Variants in ENOX1 observed in about 807,000 individuals in gnomAD.
ENOX1 encodes the protein ecto-NOX disulfide-thiol exchanger 1, also known as candidate growth-related and time keeping constitutive hydroquinone (NADH) oxidase.
ENOX1 carries 42 observed loss-of-function variants against 82.5 expected under a neutral mutation model. That is an observed-to-expected ratio of 0.51 (90% confidence interval 0.40 to 0.66). The LOEUF is 0.66. Ranked by LOEUF, ENOX1 falls within the 30% of genes least tolerant of loss-of-function variation. The probability of loss-of-function intolerance (pLI) is 0.00; values close to 1 mark genes in which losing one functional copy is unlikely to be tolerated. For missense variants in ENOX1, 608 were observed against 811.6 expected (o/e 0.75, Z 3.05); for synonymous variants, 271 against 282.2 (o/e 0.96, Z 0.40).
chr13:43,690,258 T>TA (rs5803202), intron 1 of ENOX1, among the ~76,000 whole-genome samples: 10 of 139,460 alleles, frequency 7.2e-5, no homozygotes, highest in African/African-American at 2.1e-4. Context: ...ATAAATAAGT[T>TA]AAAAAAAAAA....
At chr13:43,490,645 C>T (rs1323875561) in intron 2 of ENOX1, among the ~76,000 whole-genome samples, 1 of 152,174 alleles carries the variant, frequency 6.6e-6, no homozygotes. Context: ...TGGATAATTG[C>T]TCTTCTGCCT....
intron 1 of ENOX1, among the ~76,000 whole-genome samples, chr13:43,733,306 A>G (rs2089443666): frequency 6.6e-6 from 1 of 152,238 alleles, no homozygotes; most frequent in South Asian, 2.1e-4. Context: ...TCTGTGCAAC[A>G]GAAGAGCGAA....
At chr13:43,491,282 C>T (rs756455955) in intron 2 of ENOX1, among the ~76,000 whole-genome samples, 5 of 152,126 alleles carry the variant, frequency 3.3e-5, no homozygotes, top group Non-Finnish European at 5.9e-5. Context: ...GGGATCCACC[C>T]GCATGATCCC....
chr13:43,409,913 G>A (rs943194482), intron 5 of ENOX1, among the ~76,000 whole-genome samples: 3 of 152,180 alleles, frequency 2.0e-5, no homozygotes, highest in African/African-American at 7.2e-5. Flanking sequence ...AAAGCAAAGT[G>A]CAGTTAAATT....
intron 3 of ENOX1, 143 bp from the exon 4 acceptor site, chr13:43,413,131 G>A (rs184507153): frequency 1.9e-5 from 16 of 832,798 alleles, no homozygotes; most frequent in Admixed American, 3.7e-5. Context: ...GCTTCCCATC[G>A]CTCAGCGGCT....
At position 43,359,818 on chromosome 13, in the gene ENOX1, T is replaced by C. The variant is rs536795801; in HGVS notation, c.589+33A>G. On this transcript the variant is annotated intron_variant, in intron 7 of 16. Coordinates refer to ENST00000690772, the MANE Select transcript of ENOX1 (RefSeq NM_001347969.2). The stretch of plus-strand genomic sequence containing the variant: ...ATTAACATCACAAAACATAACAAAA[T>C]GCCTAGAAAACTCCTTATGTAATGC... 3 of 1,583,944 alleles carry C rather than the reference T, an allele frequency of 1.9e-6. No homozygotes were observed. In the East Asian group the frequency reaches 6.7e-5, roughly 35 times the overall value.
At chr13:43,461,120 G>A (rs1048483531) in intron 3 of ENOX1, among the ~76,000 whole-genome samples, 1 of 152,184 alleles carries the variant, frequency 6.6e-6, no homozygotes, top group African/African-American at 2.4e-5. Context: ...TGATTTGAAG[G>A]TGAGTCTTTG....
At chr13:43,334,003 G>T (rs2048561368) in intron 9 of ENOX1, among the ~76,000 whole-genome samples, 1 of 152,226 alleles carries the variant, frequency 6.6e-6, no homozygotes, top group Non-Finnish European at 1.5e-5. Context: ...AGTTATCAAA[G>T]TGTGGCCCCT....
rs144313215 is a variant in ENOX1, at chr13:43,671,525, C to T, written c.-284-3981G>A. ...ATTAGTCAATCCCTCTATTTGTTCCCATGATACTCTCTACACATACCCCAT... is the reference window on the plus strand; with the variant it reads ...ATTAGTCAATCCCTCTATTTGTTCCTATGATACTCTCTACACATACCCCAT... On this transcript the variant is annotated intron_variant, in intron 1 of 16. Transcript: ENST00000690772. Among the ~76,000 whole-genome samples the T allele has an allele frequency of 6.6e-5, 10 of 152,278 alleles. No homozygotes were observed. The East Asian group carries it at 1.7e-3, about 26-fold the overall frequency.
chr13:43,653,391 C>T (rs976561304), intron 2 of ENOX1, among the ~76,000 whole-genome samples: 3 of 152,188 alleles, frequency 2.0e-5, no homozygotes, highest in African/African-American at 7.2e-5. Flanking sequence ...GAGTGTACTA[C>T]ATATTTTCCT....
intron 2 of ENOX1, among the ~76,000 whole-genome samples, chr13:43,661,056 T>A (rs1397944373): frequency 6.6e-6 from 1 of 152,178 alleles, no homozygotes; most frequent in East Asian, 1.9e-4. Flanking sequence ...CATTTTTTCG[T>A]GATGTTCAGG....
intron 7 of ENOX1, among the ~76,000 whole-genome samples, chr13:43,358,443 T>TGGGGCG (rs2050286292): frequency 2.0e-4 from 1 of 5,020 alleles, no homozygotes; most frequent in Non-Finnish European, 3.6e-4. Flanking sequence ...AGGATATACA[T>TGGGGCG]GGGGCGGGGG....
At chr13:43,418,651 G>A (rs2153605006) in intron 3 of ENOX1, among the ~76,000 whole-genome samples, 1 of 152,336 alleles carries the variant, frequency 6.6e-6, no homozygotes, top group South Asian at 2.1e-4. Context: ...GACCAATTAT[G>A]AAATTGGCAG....
At chr13:43,695,416 T>C (rs1360117465) in intron 1 of ENOX1, among the ~76,000 whole-genome samples, 1 of 150,208 alleles carries the variant, frequency 6.7e-6, no homozygotes, top group Admixed American at 6.7e-5. Flanking sequence ...TCAGACCCAT[T>C]CTCCTTTTAC....
chr13:43,647,628 G>A (rs1268125229), intron 2 of ENOX1, among the ~76,000 whole-genome samples: 1 of 152,142 alleles, frequency 6.6e-6, no homozygotes. Context: ...TGAGGCTTTG[G>A]GCTTGACTAT....
At chr13:43,741,038 G>A (rs1158973989) in intron 1 of ENOX1, among the ~76,000 whole-genome samples, 1 of 150,802 alleles carries the variant, frequency 6.6e-6, no homozygotes, top group African/African-American at 2.4e-5. Flanking sequence ...ACTCTGTGTT[G>A]AACCTTTTGA....
chr13:43,286,232 A>C (rs1459988168), intron 12 of ENOX1, among the ~76,000 whole-genome samples: 3 of 152,200 alleles, frequency 2.0e-5, no homozygotes. Context: ...GAAAGATGAC[A>C]ATGGTCAGCG....
chr13:43,393,451 A>C (rs1164401011), intron 5 of ENOX1, among the ~76,000 whole-genome samples: 1 of 152,218 alleles, frequency 6.6e-6, no homozygotes, highest in African/African-American at 2.4e-5. Context: ...ATATCAATGC[A>C]TAACAAGAAT....
Position 43,259,813 on chromosome 13 carries a change from A to T in ENOX1, c.1611+5585T>A, listed in dbSNP as rs1282315387. Among the ~76,000 whole-genome samples, 3 of 152,242 alleles carry T rather than the reference A, an allele frequency of 2.0e-5. No homozygotes were observed. In the East Asian group the frequency reaches 5.8e-4, roughly 29 times the overall value. ...ATAGAGCTGTGGGTTGGGGTGAGGA[A>T]GGTGTGAAACCTTATATTTGTCCCT... On this transcript the variant is annotated intron_variant, in intron 14 of 16. Coordinates refer to ENST00000690772, the MANE Select transcript of ENOX1 (RefSeq NM_001347969.2).
Sources: gnomAD v4.1 joint callset for allele counts (sites outside exome capture counted in the v4.1 genomes callset) on GRCh38, gnomAD v4.1.1 for gene constraint, MANE v1.5 for transcripts, NCBI Gene and HGNC (gene_info 2026-07-23, HGNC 2026-07-21) for gene names.